Variants in CD5 observed in about 807,000 individuals in gnomAD.
CD5 encodes the protein T-cell surface glycoprotein CD5.
A neutral mutation model predicts 60.3 loss-of-function variants in CD5; 36 were observed. That is an observed-to-expected ratio of 0.60 (90% confidence interval 0.46 to 0.79). The LOEUF (loss-of-function observed/expected upper bound fraction) is 0.79. CD5 is among the 30% of genes least tolerant of loss of function. The pLI is 0.00. For synonymous variants in CD5, 230 were observed against 257.6 expected (o/e 0.89, Z 1.03); for missense variants, 540 against 630.6 (o/e 0.86, Z 1.54).
upstream of CD5, chr11:61,102,441 C>A: frequency 4.0e-5 from 14 of 347,756 alleles, no homozygotes; most frequent in East Asian, 1.9e-4. Context: ...TGCTCCCCGT[C>A]CCACCCCTCC....
chr11:61,106,958 CA>C (rs1333334183), intron 1 of CD5, among the ~76,000 whole-genome samples: 1 of 152,136 alleles, frequency 6.6e-6, no homozygotes, highest in Non-Finnish European at 1.5e-5. Flanking sequence ...GTGCTGAGGA[CA>C]CAGCAGTGAA....
In CD5 at chr11:61,125,739, T is replaced by C. The variant is rs769419422; in HGVS notation, c.1400-12T>C. The C allele has an allele frequency of 6.2e-7, 1 of 1,601,566 alleles. No individual in the cohort carries two copies. The highest frequency in any genetic ancestry group is 1.1e-5 in the South Asian group (1 of 90,150). On this transcript the variant is annotated splice_polypyrimidine_tract_variant and intron_variant, in intron 9 of 10. Transcript: ENST00000347785. ...AAAAACCCTCTGCAAACAGCGTCCTTTCTTTCCCCAGCTCTGGAAGGGGCT... is the reference window on the plus strand; with the variant it reads ...AAAAACCCTCTGCAAACAGCGTCCTCTCTTTCCCCAGCTCTGGAAGGGGCT...
chr11:61,118,619 C>A lies in CD5; in HGVS notation c.400+139C>A. On this transcript the variant is annotated intron_variant, in intron 3 of 10. Coordinates refer to ENST00000347785, the MANE Select transcript of CD5 (RefSeq NM_014207.4). The surrounding 1 kb of genome is among the most constrained non-coding windows in gnomAD (Gnocchi z 4.7). ...CCCAGTTTATAACCACTCCCCAAGA[C>A]ACATACCCAGGAGGGGGACTGGAAG... 1.2e-6 allele frequency: 1 copy of A among 811,236 alleles called. No homozygotes were observed. Among genetic ancestry groups the A allele is most frequent in the Non-Finnish European group, 1.9e-6 (1 of 519,224 alleles). 50.3% of individuals were successfully genotyped at this position (811,236 alleles called of 1,614,324 possible).
rs1295156022 is a variant in CD5 at position 61,113,693 on chromosome 11, G to C, written c.56-1363G>C. On this transcript the variant is annotated intron_variant, in intron 1 of 10. Transcript: ENST00000347785. ...TCCTTTTTTTTTTCTTGTAAAGACA[G>C]AATCTCACTCTCTCACCCAGTCTGG... Among the ~76,000 whole-genome samples the C allele has an allele frequency of 2.0e-5, 3 of 151,776 alleles. No homozygotes were observed. In the East Asian group the frequency reaches 5.8e-4, roughly 29 times the overall value.
chr11:61,126,024 T>G (rs1861144532), intron 10 of CD5, among the ~76,000 whole-genome samples, 183 bp downstream of exon 10: 2 of 152,214 alleles, frequency 1.3e-5, no homozygotes, highest in Non-Finnish European at 2.9e-5. Flanking sequence ...ACGAGCTGAT[T>G]TGACAATTAG....
rs1020007484 is a variant in CD5, at chr11:61,118,583, G to A, written c.400+103G>A. The A allele has an allele frequency of 3.9e-5, 48 of 1,240,552 alleles. No individual in the cohort carries two copies. In the Admixed American group the frequency reaches 9.0e-4, roughly 23 times the overall value. The allele number at this position is 1,240,552 out of a possible 1,614,324, so 76.8% of individuals were successfully genotyped here. A position where few individuals can be genotyped will look rare whatever the true frequency, so the allele number is the denominator to read the frequency against. On this transcript the variant is annotated intron_variant, in intron 3 of 10. Coordinates refer to ENST00000347785, the MANE Select transcript of CD5 (RefSeq NM_014207.4). This position sits in a 1 kb window ranked among gnomAD's most constrained non-coding sequence, Gnocchi z 4.7. ...AGGGTCTGAGCAGGCTGGTGGAAGGGGTGGGGGGACCCCAGTTTATAACCA... is the reference window on the plus strand; with the variant it reads ...AGGGTCTGAGCAGGCTGGTGGAAGGAGTGGGGGGACCCCAGTTTATAACCA...
upstream of CD5, among the ~76,000 whole-genome samples, chr11:61,101,408 G>A: frequency 1.8e-5 from 2 of 110,930 alleles, no homozygotes; most frequent in African/African-American, 3.4e-5. Flanking sequence ...ACGTCAACAT[G>A]GAGATCACAT....
upstream of CD5, among the ~76,000 whole-genome samples, chr11:61,097,598 C>G (rs1168022270): frequency 6.6e-6 from 1 of 152,212 alleles, no homozygotes; most frequent in African/African-American, 2.4e-5. Flanking sequence ...TACCTGACCA[C>G]TGGGCAGGTA....
At chr11:61,125,176 G>A (rs1648601442) in intron 9 of CD5, 25 bp downstream of exon 9, 1 of 1,613,304 alleles carries the variant, frequency 6.2e-7, no homozygotes, top group Non-Finnish European at 8.5e-7. Flanking sequence ...GTGCTCCCAG[G>A]CACGCAGGCA....
intron 5 of CD5, among the ~76,000 whole-genome samples, chr11:61,120,674 A>C (rs1861044571): frequency 6.6e-6 from 1 of 152,132 alleles, no homozygotes; most frequent in Non-Finnish European, 1.5e-5. Flanking sequence ...GCACAAATCT[A>C]GGAATCACTG....
the CD5 span, among the ~76,000 whole-genome samples, chr11:61,094,701 C>T: frequency 4.2e-4 from 64 of 152,044 alleles, no homozygotes; most frequent in African/African-American, 1.5e-3. Flanking sequence ...TGTTTTGTCT[C>T]GAGGAAACAT....
At chr11:61,099,042 A>T (rs1162963691), upstream of CD5, among the ~76,000 whole-genome samples, 1 of 151,740 alleles carries the variant, frequency 6.6e-6, no homozygotes, top group Non-Finnish European at 1.5e-5. Flanking sequence ...TGAGGAAAAA[A>T]CGGAACCCAG....
chr11:61,096,035 T>C, the CD5 span, among the ~76,000 whole-genome samples: 2 of 152,260 alleles, frequency 1.3e-5, no homozygotes, highest in East Asian at 3.9e-4. Context: ...TGTTTGAGAA[T>C]GCAACAAGCC....
intron 6 of CD5, among the ~76,000 whole-genome samples, chr11:61,122,373 T>TCGGTGGGTG (rs1861077118): frequency 8.6e-6 from 1 of 116,664 alleles, no homozygotes; most frequent in African/African-American, 3.6e-5. Flanking sequence ...GGTGGATGGA[T>TCGGTGGGTG]GATGGATGGA....
chr11:61,116,126 A>G lies in CD5; in HGVS notation c.94+1032A>G, dbSNP rs552945179. Among the ~76,000 whole-genome samples the G allele has an allele frequency of 5.9e-5, 9 of 152,196 alleles. No homozygotes were observed. The South Asian group carries it at 1.7e-3, about 28-fold the overall frequency. On this transcript the variant is annotated intron_variant, in intron 2 of 10. Coordinates refer to ENST00000347785, the MANE Select transcript of CD5 (RefSeq NM_014207.4). ...AGGGTAGCCTGACCCGTGGTTCCCG[A>G]CCAGGGAAAACCTCCCCCTCAGAAT...
chr11:61,120,076 C>T (rs372383117), intron 5 of CD5, among the ~76,000 whole-genome samples: 1 of 152,044 alleles, frequency 6.6e-6, no homozygotes, highest in Non-Finnish European at 1.5e-5. Context: ...AGAGACAGCC[C>T]CCAAGAGGGC....
At chr11:61,097,161 G>A in the CD5 span, among the ~76,000 whole-genome samples, 4 of 152,144 alleles carry the variant, frequency 2.6e-5, no homozygotes, top group East Asian at 1.9e-4. Context: ...GCAATTAGCC[G>A]AGCACGTAGC....
intron 1 of CD5, among the ~76,000 whole-genome samples, chr11:61,106,162 C>G (rs1180398381): frequency 7.0e-6 from 1 of 143,366 alleles, no homozygotes; most frequent in Admixed American, 6.9e-5. Context: ...GAAATATTTA[C>G]ACATTTTGAA....
At chr11:61,123,858 A>G in intron 7 of CD5, 26 bp from the exon 8 acceptor site, 1 of 1,395,068 alleles carries the variant, frequency 7.2e-7, no homozygotes, top group Non-Finnish European at 9.6e-7. Flanking sequence ...CACCACTCTG[A>G]TGTGCCTTTC....
Sources: allele counts gnomAD v4.1 joint callset (sites outside exome capture counted in the v4.1 genomes callset), GRCh38; gene constraint gnomAD v4.1.1; non-coding constraint Gnocchi (gnomAD v3.1); transcripts MANE v1.5; gene names NCBI Gene and HGNC (gene_info 2026-07-23, HGNC 2026-07-21).